ROBO2: variants seen among roughly 807,000 people sequenced by gnomAD.
ROBO2 encodes the protein roundabout guidance receptor 2.
A neutral mutation model predicts 160.8 loss-of-function variants in ROBO2; 53 were observed. The ratio of observed to expected loss-of-function variants is 0.33; its 90% CI spans 0.26 to 0.41. ROBO2 has a LOEUF of 0.41. ROBO2 is among the 10% of genes least tolerant of loss of function. The pLI is 1.00. For synonymous variants in ROBO2, 664 were observed against 611.7 expected, an observed-to-expected ratio of 1.09 and a Z score of -1.26; for missense variants, 1,577 against 1,722.4, an observed-to-expected ratio of 0.92 and a Z score of 1.49.
chr3:77,481,188 G>T, exon 4 of ROBO2: 1 of 1,601,804 alleles, frequency 6.2e-7, no homozygotes, highest in Non-Finnish European at 8.5e-7. Context: ...TGGGAGAAAG[G>T]GACAGTGACC....
chr3:77,527,724 G>A (rs1485851105), intron 6 of ROBO2, among the ~76,000 whole-genome samples: 2 of 151,424 alleles, frequency 1.3e-5, no homozygotes, highest in Non-Finnish European at 3.0e-5. Flanking sequence ...CAATAAGAAA[G>A]CATTGCTCTC....
chr3:77,458,319 T>C (rs1421819376), intron 2 of ROBO2, among the ~76,000 whole-genome samples: 1 of 152,202 alleles, frequency 6.6e-6, no homozygotes, highest in African/African-American at 2.4e-5. Context: ...TATGTGACTC[T>C]GAGAAGTTAA....
intron 2 of ROBO2, among the ~76,000 whole-genome samples, chr3:76,958,167 G>A (rs565187193): frequency 2.6e-4 from 39 of 152,126 alleles, no homozygotes; most frequent in African/African-American, 4.8e-4. Context: ...TCATTGCTGC[G>A]ACCATTGCAA....
At chr3:76,771,250 C>T (rs2061888809) in intron 2 of ROBO2, among the ~76,000 whole-genome samples, 1 of 151,246 alleles carries the variant, frequency 6.6e-6, no homozygotes, top group Admixed American at 6.6e-5. Flanking sequence ...CGATGATCTT[C>T]TTACATTGAT....
chr3:76,985,555 G>A (rs1441665597), intron 2 of ROBO2, among the ~76,000 whole-genome samples: 2 of 109,708 alleles, frequency 1.8e-5, no homozygotes, highest in Admixed American at 1.4e-4. Flanking sequence ...CAGCCTGGGC[G>A]ACAAAGCGAG....
intron 20 of ROBO2, among the ~76,000 whole-genome samples, chr3:77,606,363 G>A (rs149599352): frequency 7.1e-4 from 108 of 152,286 alleles, no homozygotes; most frequent in African/African-American, 2.4e-3. Context: ...AATGTAGGCA[G>A]TAACTATTGA....
At chr3:76,394,730 G>C (rs556883703) in intron 2 of ROBO2, among the ~76,000 whole-genome samples, 1 of 152,166 alleles carries the variant, frequency 6.6e-6, no homozygotes, top group Admixed American at 6.6e-5. Flanking sequence ...AAGAGACAAA[G>C]GCCATTACAT....
At chr3:76,994,383 A>G (rs894041637) in intron 2 of ROBO2, among the ~76,000 whole-genome samples, 3 of 105,202 alleles carry the variant, frequency 2.9e-5, no homozygotes, top group Admixed American at 9.6e-5. Context: ...TACAAACTTT[A>G]AACTTTTTAC....
At chr3:77,040,326 G>T (rs946964969) in exon 1 of ROBO2, 2 of 995,594 alleles carry the variant, frequency 2.0e-6, no homozygotes, top group African/African-American at 1.7e-5. Flanking sequence ...AGGAAACCGG[G>T]GGAAAGAAAA....
chr3:76,361,728 A>C (rs1047867884), intron 2 of ROBO2, among the ~76,000 whole-genome samples: 2 of 152,128 alleles, frequency 1.3e-5, no homozygotes, highest in East Asian at 3.9e-4. Context: ...TAGTATCTTC[A>C]TAAGAAATTC....
At chr3:77,462,460 A>G (rs1005818333) in intron 2 of ROBO2, among the ~76,000 whole-genome samples, 4 of 152,236 alleles carry the variant, frequency 2.6e-5, no homozygotes, top group African/African-American at 9.6e-5. Flanking sequence ...CTAGCATCCT[A>G]CAGATATTTT....
intron 2 of ROBO2, among the ~76,000 whole-genome samples, chr3:76,002,333 C>T (rs1238995486): frequency 5.3e-5 from 8 of 152,144 alleles, no homozygotes; most frequent in Non-Finnish European, 2.9e-5. Flanking sequence ...GCTGTGTCCC[C>T]ACCCAAATCT....
At chr3:77,107,871 C>T (rs1250537543) in intron 2 of ROBO2, among the ~76,000 whole-genome samples, 2 of 152,108 alleles carry the variant, frequency 1.3e-5, no homozygotes, top group Admixed American at 6.6e-5. Flanking sequence ...TGAAATGTAA[C>T]TATTTTTTCC....
At chr3:77,622,313 C>G in exon 23 of ROBO2, 1 of 1,614,102 alleles carries the variant, frequency 6.2e-7, no homozygotes, top group South Asian at 1.1e-5. Flanking sequence ...GATTTGGAAA[C>G]GGATGTTGCA....
At chr3:76,693,056 ATAGTGT>A (rs1358234722) in intron 2 of ROBO2, among the ~76,000 whole-genome samples, 1 of 149,764 alleles carries the variant, frequency 6.7e-6, no homozygotes. Context: ...CCCTATATAT[ATAGTGT>A]GTATCTATAT....
Position 77,158,392 on chromosome 3 carries a change from A to AGT in ROBO2, c.388+60058_388+60059dup, listed in dbSNP as rs1462538327. 9.2e-5 allele frequency among the ~76,000 whole-genome samples: 14 copies of AGT among 152,242 alleles called. No homozygotes were observed. In the East Asian group the frequency reaches 2.5e-3, roughly 27 times the overall value. ...CCCACTGAAGTCACTGATGTAGTTC[A>AGT]GTGTGTGAAAAACAGACGGCAAACC... On this transcript the variant is annotated intron_variant, in intron 2 of 25. Transcript: ENST00000461745.
chr3:76,745,342 A>G (rs1204151376), intron 2 of ROBO2, among the ~76,000 whole-genome samples: 1 of 152,010 alleles, frequency 6.6e-6, no homozygotes, highest in Non-Finnish European at 1.5e-5. Flanking sequence ...TTTGATTGCA[A>G]CAGCTGGTGT....
At chr3:76,987,078 A>T (rs2060419058) in intron 2 of ROBO2, among the ~76,000 whole-genome samples, 3 of 152,198 alleles carry the variant, frequency 2.0e-5, no homozygotes, top group Admixed American at 6.5e-5. Flanking sequence ...GTACAGTAAA[A>T]GAAGCAGGCG....
intron 2 of ROBO2, among the ~76,000 whole-genome samples, chr3:76,925,058 A>C (rs955111732): frequency 1.3e-5 from 2 of 151,616 alleles, no homozygotes; most frequent in Non-Finnish European, 2.9e-5. Context: ...AATACAAAAA[A>C]TTAGCCGGGC....
Sources: gnomAD v4.1 joint callset for allele counts (sites outside exome capture counted in the v4.1 genomes callset) on GRCh38, gnomAD v4.1.1 for gene constraint, MANE v1.5 for transcripts, NCBI Gene and HGNC (gene_info 2026-07-23, HGNC 2026-07-21) for gene names.